The following BNC2 variants were observed in gnomAD, a reference collection of about 807,000 sequenced individuals.
The protein encoded by BNC2 is zinc finger protein basonuclin-2.
BNC2 carries 20 observed loss-of-function variants against 76.3 expected under a neutral mutation model. That is an observed-to-expected ratio of 0.26 (90% confidence interval 0.18 to 0.38). BNC2 has a LOEUF of 0.38. BNC2 is among the 10% of genes least tolerant of loss of function. The probability of loss-of-function intolerance (pLI) is 1.00; values close to 1 mark genes in which losing one functional copy is unlikely to be tolerated. For synonymous variants in BNC2, 582 were observed against 514.8 expected (o/e 1.13, Z -1.77); for missense variants, 1,382 against 1,399.8 (o/e 0.99, Z 0.20).
chr9:16,634,886 T>G (rs554053300), intron 3 of BNC2, among the ~76,000 whole-genome samples: 2 of 36,638 alleles, frequency 5.5e-5, no homozygotes, highest in East Asian at 4.2e-4. Flanking sequence ...AATAAAGGTG[T>G]TTTTTTTTTT....
intron 3 of BNC2, among the ~76,000 whole-genome samples, chr9:16,610,153 G>A (rs1820504192): frequency 6.6e-6 from 1 of 152,054 alleles, no homozygotes; most frequent in Non-Finnish European, 1.5e-5. Context: ...CAAAAACTGG[G>A]CGCACCATGT....
chr9:16,578,120 TA>T (rs993396432), intron 4 of BNC2, among the ~76,000 whole-genome samples: 13 of 151,646 alleles, frequency 8.6e-5, no homozygotes, highest in Admixed American at 2.0e-4. Flanking sequence ...TGATCTAGTT[TA>T]AAAAAAAATT....
At chr9:16,750,946 T>G (rs1825173797) in intron 1 of BNC2, among the ~76,000 whole-genome samples, 1 of 152,188 alleles carries the variant, frequency 6.6e-6, no homozygotes, top group South Asian at 2.1e-4. Context: ...GACTGGTACT[T>G]CAGCGGCAAT....
chr9:16,489,703 T>A (rs73645986), intron 5 of BNC2, among the ~76,000 whole-genome samples: 394 of 152,330 alleles, frequency 2.6e-3, no homozygotes, highest in African/African-American at 9.2e-3. Flanking sequence ...GCTAACTCCA[T>A]GGCAGGTTTG....
intron 1 of BNC2, among the ~76,000 whole-genome samples, chr9:16,847,911 A>G (rs1207684813): frequency 6.6e-6 from 1 of 152,240 alleles, no homozygotes; most frequent in African/African-American, 2.4e-5. Flanking sequence ...GACAGGTTAC[A>G]TAAATACATA....
chr9:16,543,149 G>T (rs551934303), intron 5 of BNC2, among the ~76,000 whole-genome samples: 1 of 152,102 alleles, frequency 6.6e-6, no homozygotes, highest in Non-Finnish European at 1.5e-5. Flanking sequence ...GGGTTGGGGT[G>T]GGGGGACTAG....
At chr9:16,679,257 C>G (rs1205913612) in intron 3 of BNC2, among the ~76,000 whole-genome samples, 3 of 152,098 alleles carry the variant, frequency 2.0e-5, no homozygotes. Context: ...ACCACTGGTC[C>G]TTACTATACT....
At chr9:16,785,255 C>T (rs927083674) in intron 1 of BNC2, among the ~76,000 whole-genome samples, 1 of 152,196 alleles carries the variant, frequency 6.6e-6, no homozygotes, top group South Asian at 2.1e-4. Context: ...CAGGTTTGTG[C>T]GAGGGCCTTC....
At chr9:16,682,725 T>C (rs1822861806) in intron 3 of BNC2, among the ~76,000 whole-genome samples, 1 of 152,168 alleles carries the variant, frequency 6.6e-6, no homozygotes, top group South Asian at 2.1e-4. Flanking sequence ...ATTGGTTCAT[T>C]ATTTACTCTA....
At position 16,464,280 on chromosome 9, in the gene BNC2, G is replaced by C. The variant is rs138874824; in HGVS notation, c.670-26756C>G. On this transcript the variant is annotated intron_variant, in intron 5 of 6. Transcript: ENST00000380672. ...AGACAATCTGCACAGGACTGGCATG[G>C]CACACAGGCCAATGTCTGGACATCT... 2.8e-3 allele frequency among the ~76,000 whole-genome samples: 433 copies of C among 152,162 alleles called. 3 individuals are homozygous for C. Among genetic ancestry groups the C allele is most frequent in the African/African-American group, 0.01 (420 of 41,508 alleles).
chr9:16,719,715 C>T (rs922206074), intron 3 of BNC2, among the ~76,000 whole-genome samples: 1 of 152,146 alleles, frequency 6.6e-6, no homozygotes, highest in Non-Finnish European at 1.5e-5. Context: ...AAATACAAAA[C>T]AAGAGTGAAT....
chr9:16,668,167 A>C (rs1436104658), intron 3 of BNC2, among the ~76,000 whole-genome samples: 1 of 152,038 alleles, frequency 6.6e-6, no homozygotes, highest in Non-Finnish European at 1.5e-5. Flanking sequence ...AAGGAAGGAG[A>C]CCTCACTGGG....
chr9:16,815,865 C>T lies in BNC2; in HGVS notation c.3+54781G>A, dbSNP rs971318173. ...AGTAACTATGCCTTACATTCTTCGA[C>T]ACAAAGATGGAACAATCTCAAATTT... On this transcript the variant is annotated intron_variant, in intron 1 of 6. Coordinates refer to ENST00000380672, the MANE Select transcript of BNC2 (RefSeq NM_017637.6). Among the ~76,000 whole-genome samples, 5 of 152,202 alleles carry T rather than the reference C, an allele frequency of 3.3e-5. No homozygotes were observed. In the South Asian group the frequency reaches 1.0e-3, roughly 32 times the overall value.
chr9:16,573,018 A>G (rs1049955581), intron 4 of BNC2, among the ~76,000 whole-genome samples: 5 of 152,054 alleles, frequency 3.3e-5, no homozygotes, highest in African/African-American at 7.2e-5. Context: ...ATTTGCATCT[A>G]GGAGCTTGAG....
At chr9:16,447,517 C>A (rs1429968037) in intron 5 of BNC2, among the ~76,000 whole-genome samples, 2 of 152,084 alleles carry the variant, frequency 1.3e-5, no homozygotes, top group African/African-American at 4.8e-5. Flanking sequence ...GTATTTATGA[C>A]TGAAAGTATG....
At chr9:16,555,283 A>G (rs936113272) in intron 4 of BNC2, among the ~76,000 whole-genome samples, 10 of 151,862 alleles carry the variant, frequency 6.6e-5, no homozygotes, top group Admixed American at 2.0e-4. Flanking sequence ...TCGGCCTCCC[A>G]AAGTGCCGGG....
intron 3 of BNC2, among the ~76,000 whole-genome samples, chr9:16,718,007 T>C (rs530334745): frequency 1.3e-5 from 2 of 152,348 alleles, no homozygotes; most frequent in Admixed American, 1.3e-4. Context: ...CAAGCTTTTC[T>C]GGTCATGAGA....
chr9:16,703,317 T>C (rs1051938194), intron 3 of BNC2, among the ~76,000 whole-genome samples: 8 of 152,108 alleles, frequency 5.3e-5, no homozygotes, highest in Non-Finnish European at 1.2e-4. Flanking sequence ...AATAATTAAC[T>C]TTAAAATTGG....
chr9:16,823,277 T>C (rs539095344), intron 1 of BNC2, among the ~76,000 whole-genome samples: 11 of 152,196 alleles, frequency 7.2e-5, no homozygotes, highest in African/African-American at 2.4e-4. Context: ...TCAAACATTA[T>C]ATATAAAATA....
Sources: gnomAD v4.1 joint callset for allele counts (sites outside exome capture counted in the v4.1 genomes callset) on GRCh38, gnomAD v4.1.1 for gene constraint, MANE v1.5 for transcripts, NCBI Gene and HGNC (gene_info 2026-07-23, HGNC 2026-07-21) for gene names.